ADAM9: variants seen among roughly 807,000 people sequenced by gnomAD.
ADAM9 encodes disintegrin and metalloproteinase domain-containing protein 9.
ADAM9 carries 54 observed loss-of-function variants against 108.1 expected under a neutral mutation model. That is an observed-to-expected ratio of 0.50 (90% confidence interval 0.40 to 0.63). The LOEUF is 0.63. ADAM9 is among the 20% of genes least tolerant of loss of function. ADAM9 has a pLI of 0.00. For missense variants in ADAM9, 830 were observed against 997.7 expected (o/e 0.83, Z 2.26); for synonymous variants, 316 against 336.0 (o/e 0.94, Z 0.65).
intron 7 of ADAM9, among the ~76,000 whole-genome samples, chr8:39,019,194 T>C (rs1179403311): frequency 6.6e-6 from 1 of 152,166 alleles, no homozygotes; most frequent in Non-Finnish European, 1.5e-5. Context: ...TTTGAGTGAA[T>C]CTGTACTGCC....
intron 11 of ADAM9, among the ~76,000 whole-genome samples, chr8:39,027,223 G>T (rs1297189300): frequency 6.6e-6 from 1 of 152,148 alleles, no homozygotes; most frequent in Admixed American, 6.5e-5. Context: ...TTACACTGAA[G>T]GACTGCATAA....
At chr8:39,077,013 G>T (rs572745120) in intron 15 of ADAM9, among the ~76,000 whole-genome samples, 1 of 152,302 alleles carries the variant, frequency 6.6e-6, no homozygotes, top group South Asian at 2.1e-4. Context: ...ACCAGCTGGT[G>T]CCCTAATTTG....
chr8:39,101,998 C>T (rs1839713118), intron 21 of ADAM9, 68 bp downstream of exon 21: 5 of 1,287,516 alleles, frequency 3.9e-6, no homozygotes, highest in African/African-American at 2.9e-5. Context: ...TAATAATTTC[C>T]CCTGTATTTT....
intron 11 of ADAM9, among the ~76,000 whole-genome samples, chr8:39,032,659 A>G (rs1837135093): frequency 6.6e-6 from 1 of 152,160 alleles, no homozygotes; most frequent in East Asian, 1.9e-4. Flanking sequence ...GCTTTGGCTC[A>G]CCCTCTGTGG....
chr8:39,056,781 G>A (rs1838137637), intron 14 of ADAM9, among the ~76,000 whole-genome samples: 1 of 152,076 alleles, frequency 6.6e-6, no homozygotes, highest in African/African-American at 2.4e-5. Flanking sequence ...GTGGCATCAA[G>A]TATTCTATTT....
intron 14 of ADAM9, among the ~76,000 whole-genome samples, chr8:39,059,513 C>T (rs2129439497): frequency 6.6e-6 from 1 of 152,304 alleles, no homozygotes. Context: ...GGTTCCTGAG[C>T]CCATGGATGA....
chr8:39,045,499 CAT>C (rs1491269646), intron 12 of ADAM9, among the ~76,000 whole-genome samples: 11 of 139,906 alleles, frequency 7.9e-5, no homozygotes, highest in East Asian at 2.1e-4. Context: ...CGTGTGTATA[CAT>C]ATGTGTGTGT....
chr8:39,003,647 TC>T (rs1408328756), intron 1 of ADAM9, among the ~76,000 whole-genome samples: 10 of 152,258 alleles, frequency 6.6e-5, no homozygotes, highest in Admixed American at 6.5e-4. Context: ...TTGATGACAT[TC>T]CCCCAGTATG....
At chr8:39,012,590 T>C (rs1330266309) in intron 3 of ADAM9, among the ~76,000 whole-genome samples, 1 of 152,154 alleles carries the variant, frequency 6.6e-6, no homozygotes, top group Non-Finnish European at 1.5e-5. Context: ...ATGTGGCACA[T>C]AGACACCATG....
At chr8:39,003,715 G>T (rs1836076174) in intron 1 of ADAM9, among the ~76,000 whole-genome samples, 1 of 152,154 alleles carries the variant, frequency 6.6e-6, no homozygotes, top group Admixed American at 6.5e-5. Context: ...TCAGAAAGTG[G>T]TTGCTTGGAT....
chr8:39,023,966 G>A (rs954762516), intron 9 of ADAM9, among the ~76,000 whole-genome samples: 1 of 152,052 alleles, frequency 6.6e-6, no homozygotes, highest in Admixed American at 6.6e-5. Flanking sequence ...GGCTGGTCTC[G>A]AACTCCTGAC....
chr8:39,000,063 C>T (rs539315632), intron 1 of ADAM9, among the ~76,000 whole-genome samples: 2 of 151,760 alleles, frequency 1.3e-5, no homozygotes, highest in East Asian at 1.9e-4. Flanking sequence ...CTTGCTGTGT[C>T]GCCCAGGCTG....
At chr8:39,013,874 C>A in intron 3 of ADAM9, 91 bp from the exon 4 acceptor site, 2 of 992,398 alleles carry the variant, frequency 2.0e-6, no homozygotes, top group Non-Finnish European at 3.2e-6. Context: ...TTTACTCCTG[C>A]TTGTCTCCTC....
At chr8:39,014,674 T>G in intron 4 of ADAM9, 1 of 640,626 alleles carries the variant, frequency 1.6e-6, no homozygotes, top group South Asian at 1.8e-5. Context: ...TACCTTTTTT[T>G]CTTTTGCAAT....
intron 11 of ADAM9, among the ~76,000 whole-genome samples, chr8:39,034,298 CAT>C (rs1008815790): frequency 6.6e-6 from 1 of 152,116 alleles, no homozygotes; most frequent in Non-Finnish European, 1.5e-5. Context: ...AATTATTACA[CAT>C]GTTCTTATTT....
At chr8:39,009,302 C>T (rs902067618) in intron 2 of ADAM9, among the ~76,000 whole-genome samples, 7 of 152,182 alleles carry the variant, frequency 4.6e-5, no homozygotes, top group African/African-American at 7.2e-5. Context: ...TGTTTGGGTG[C>T]GATCTTGGCT....
intron 11 of ADAM9, among the ~76,000 whole-genome samples, chr8:39,034,763 A>T (rs1359276244): frequency 2.0e-5 from 3 of 151,974 alleles, no homozygotes. Flanking sequence ...CATTGAAATG[A>T]ATCTGTCTAT....
chr8:39,065,911 C>A (rs1195399420), intron 14 of ADAM9, among the ~76,000 whole-genome samples: 3 of 152,110 alleles, frequency 2.0e-5, no homozygotes, highest in African/African-American at 7.2e-5. Context: ...CTCCCCCCAC[C>A]CCATGACAGG....
intron 20 of ADAM9, among the ~76,000 whole-genome samples, chr8:39,100,908 T>C (rs533413583): frequency 6.6e-6 from 1 of 152,362 alleles, no homozygotes; most frequent in South Asian, 2.1e-4. Flanking sequence ...TACTTTCTTA[T>C]TTGAGGCTAA....
Sources: allele counts gnomAD v4.1 joint callset (sites outside exome capture counted in the v4.1 genomes callset), GRCh38; gene constraint gnomAD v4.1.1; transcripts MANE v1.5; gene names NCBI Gene and HGNC (gene_info 2026-07-23, HGNC 2026-07-21).